DCC: variants seen among roughly 807,000 people sequenced by gnomAD.
DCC encodes netrin receptor DCC.
DCC carries 58 observed loss-of-function variants against 172.5 expected under a neutral mutation model. The observed-to-expected ratio is 0.34, with a 90% CI of 0.27 to 0.42. The LOEUF is 0.42. Ranked by LOEUF, DCC falls within the 10% of genes least tolerant of loss-of-function variation. The probability of loss-of-function intolerance (pLI) is 1.00; values close to 1 mark genes in which losing one functional copy is unlikely to be tolerated. For missense variants in DCC, 1,740 were observed against 1,791.0 expected (o/e 0.97, Z 0.51); for synonymous variants, 709 against 644.5 (o/e 1.10, Z -1.52).
intron 1 of DCC, among the ~76,000 whole-genome samples, chr18:52,425,529 T>A (rs927369627): frequency 1.3e-5 from 2 of 152,162 alleles, no homozygotes; most frequent in African/African-American, 4.8e-5. Flanking sequence ...CCACTACACA[T>A]GCATTTATAC....
At chr18:52,730,694 A>G (rs1157742937) in intron 1 of DCC, among the ~76,000 whole-genome samples, 4 of 152,174 alleles carry the variant, frequency 2.6e-5, no homozygotes, top group Non-Finnish European at 5.9e-5. Context: ...TCTTAAGCAG[A>G]TGAACATTTA....
intron 5 of DCC, among the ~76,000 whole-genome samples, chr18:53,049,290 A>G (rs896157086): frequency 6.6e-6 from 1 of 151,996 alleles, no homozygotes; most frequent in Non-Finnish European, 1.5e-5. Flanking sequence ...TTCCTAGCCT[A>G]TCTTCCAAGG....
intron 5 of DCC, among the ~76,000 whole-genome samples, chr18:52,948,501 T>C (rs998484100): frequency 1.1e-4 from 17 of 152,328 alleles, no homozygotes; most frequent in African/African-American, 3.1e-4. Context: ...AATTTATGCT[T>C]CTCTTCATTA....
intron 17 of DCC, among the ~76,000 whole-genome samples, chr18:53,396,312 T>G (rs561765295): frequency 5.5e-4 from 84 of 152,302 alleles, no homozygotes; most frequent in African/African-American, 2.0e-3. Context: ...CCATTTTTTT[T>G]GCTTATATGG....
chr18:53,091,349 GAA>G lies in DCC; in HGVS notation c.1261+25186_1261+25187del, dbSNP rs1451708172. Among the ~76,000 whole-genome samples, 20 of 147,012 alleles carry G rather than the reference GAA, an allele frequency of 1.4e-4. 1 individual carries two copies. In the Admixed American group the frequency reaches 1.4e-3, roughly 10 times the overall value. On this transcript the variant is annotated intron_variant, in intron 7 of 28. Transcript: ENST00000442544. ...CAAATATATATATATATAAATATAT[GAA>G]AATATATATACTAATATATATAAAT... is the stretch of plus-strand genomic sequence containing the variant.
At chr18:53,476,217 G>A (rs1326938330) in intron 25 of DCC, among the ~76,000 whole-genome samples, 1 of 152,196 alleles carries the variant, frequency 6.6e-6, no homozygotes, top group Non-Finnish European at 1.5e-5. Flanking sequence ...TCGGGCTGTG[G>A]ACTTTTGAGT....
chr18:53,355,202 G>C (rs528921025), intron 15 of DCC, among the ~76,000 whole-genome samples: 1 of 152,222 alleles, frequency 6.6e-6, no homozygotes, highest in African/African-American at 2.4e-5. Context: ...TTGAAGTCAG[G>C]TAGCATGATG....
At chr18:52,764,860 G>A (rs2037218595) in intron 2 of DCC, among the ~76,000 whole-genome samples, 1 of 152,028 alleles carries the variant, frequency 6.6e-6, no homozygotes, top group African/African-American at 2.4e-5. Context: ...ACTATCTTGG[G>A]ATTCCTCTTA....
intron 1 of DCC, among the ~76,000 whole-genome samples, chr18:52,567,550 G>A (rs2033187599): frequency 1.3e-5 from 2 of 152,050 alleles, no homozygotes; most frequent in South Asian, 2.1e-4. Flanking sequence ...TCTCAAACTC[G>A]TGGTCTCAGA....
chr18:53,001,256 C>T (rs1248378532), intron 5 of DCC, among the ~76,000 whole-genome samples: 6 of 151,986 alleles, frequency 3.9e-5, no homozygotes, highest in South Asian at 2.1e-4. Context: ...TGTTCAATAG[C>T]GCCTTCTCTT....
chr18:52,998,218 T>C (rs1033059646), intron 5 of DCC, among the ~76,000 whole-genome samples: 6 of 152,052 alleles, frequency 3.9e-5, no homozygotes, highest in African/African-American at 1.4e-4. Flanking sequence ...TCCATCACTG[T>C]GGAAAGTTCT....
chr18:52,985,018 T>C (rs1252913037), intron 5 of DCC, among the ~76,000 whole-genome samples: 1 of 152,162 alleles, frequency 6.6e-6, no homozygotes, highest in African/African-American at 2.4e-5. Flanking sequence ...CCACTTAATG[T>C]CCTATTATTA....
intron 2 of DCC, among the ~76,000 whole-genome samples, chr18:52,755,024 GAATGTT>G (rs1270319022): frequency 3.9e-5 from 6 of 152,188 alleles, no homozygotes; most frequent in African/African-American, 1.4e-4. Context: ...AGAGAGAACT[GAATGTT>G]AATGTTAATT....
intron 1 of DCC, among the ~76,000 whole-genome samples, chr18:52,673,660 G>GT (rs761174136): frequency 1.1e-3 from 167 of 151,446 alleles, no homozygotes; most frequent in Non-Finnish European, 2.1e-3. Flanking sequence ...AGTAAATAAG[G>GT]CCTTTTTTGA....
rs111494062 is a variant in DCC at position 53,159,666 on chromosome 18, T to A, written c.1418+2154T>A. On this transcript the variant is annotated intron_variant, in intron 8 of 28. Coordinates refer to ENST00000442544, the MANE Select transcript of DCC (RefSeq NM_005215.4). ...CCCAATCTATCTGTATCTATATCTG[T>A]CTATCTGTATGCATATATGTAAAAG... Among the ~76,000 whole-genome samples, 1,198 of 152,320 alleles carry A rather than the reference T, an allele frequency of 7.9e-3. 16 individuals carry two copies. Among genetic ancestry groups the A allele is most frequent in the African/African-American group, 0.027 (1,117 of 41,568 alleles).
At chr18:53,274,302 G>T (rs187338261) in intron 12 of DCC, among the ~76,000 whole-genome samples, 3 of 152,236 alleles carry the variant, frequency 2.0e-5, no homozygotes, top group Non-Finnish European at 2.9e-5. Context: ...GGAGCTACTC[G>T]TAGGGATTGT....
chr18:53,142,316 G>A (rs187602930), intron 7 of DCC, among the ~76,000 whole-genome samples: 12 of 152,328 alleles, frequency 7.9e-5, no homozygotes, highest in Middle Eastern at 3.4e-3. Context: ...TGGAAGTCGG[G>A]TGGTGCACAT....
At chr18:52,892,933 A>T (rs1255204579) in intron 2 of DCC, among the ~76,000 whole-genome samples, 1 of 152,100 alleles carries the variant, frequency 6.6e-6, no homozygotes, top group Non-Finnish European at 1.5e-5. Context: ...AATCTAAATT[A>T]TTATTTCTGT....
chr18:52,846,608 A>AC (rs2038894958), intron 2 of DCC, among the ~76,000 whole-genome samples: 1 of 130,498 alleles, frequency 7.7e-6, no homozygotes, highest in African/African-American at 3.0e-5. Context: ...TGCCACTCCA[A>AC]ACACACACAC....
Sources: gnomAD v4.1 joint callset for allele counts (sites outside exome capture counted in the v4.1 genomes callset) on GRCh38, gnomAD v4.1.1 for gene constraint, MANE v1.5 for transcripts, NCBI Gene and HGNC (gene_info 2026-07-23, HGNC 2026-07-21) for gene names.